Variants in PHC2 observed in about 807,000 individuals in gnomAD.
The protein encoded by PHC2 is polyhomeotic-like protein 2.
A neutral mutation model predicts 87.4 loss-of-function variants in PHC2; 29 were observed. The ratio of observed to expected loss-of-function variants is 0.33; its 90% CI spans 0.25 to 0.45. The LOEUF (loss-of-function observed/expected upper bound fraction) is 0.45. Among genes scored for constraint, PHC2 ranks in the 20% least tolerant of loss-of-function variants. The probability of loss-of-function intolerance (pLI) is 1.00; values close to 1 mark genes in which losing one functional copy is unlikely to be tolerated. For missense variants in PHC2, 857 were observed against 1,136.7 expected, an observed-to-expected ratio of 0.75 and a Z score of 3.54; for synonymous variants, 438 against 461.7, an observed-to-expected ratio of 0.95 and a Z score of 0.66.
intron 1 of PHC2, among the ~76,000 whole-genome samples, chr1:33,406,908 G>A (rs930712130): frequency 1.3e-5 from 2 of 152,124 alleles, no homozygotes; most frequent in Non-Finnish European, 2.9e-5. Flanking sequence ...ATAAGGGTAT[G>A]TTAGTAGGTA....
At chr1:33,336,205 T>C (rs1173881473) in intron 9 of PHC2, among the ~76,000 whole-genome samples, 1 of 151,974 alleles carries the variant, frequency 6.6e-6, no homozygotes, top group Non-Finnish European at 1.5e-5. Context: ...GCCAGGCTGG[T>C]CTCGAACTCC....
At position 33,330,212 on chromosome 1, in the gene PHC2, C is replaced by T; in HGVS notation, c.2007G>A (p.Arg669=). ...KRFCSMACAK[R]YNVGCTKRVG... is the part of the protein sequence containing the mutation. ...CCCGTTTGGTGCATCCCACGTTGTA[C>T]CTTCAGGGACAGGGGAACAGGGGAT... Residue 669 remains arginine (R), a splice_region_variant and synonymous_variant, in exon 13 of 15, where the codon AGG becomes AGA. Coordinates refer to ENST00000683057, the MANE Select transcript of PHC2 (RefSeq NM_001385109.1). 1 of 1,613,992 alleles carries T rather than the reference C, an allele frequency of 6.2e-7. No individual in the cohort carries two copies. Among genetic ancestry groups the T allele is most frequent in the South Asian group, 1.1e-5 (1 of 91,084 alleles).
chr1:33,356,277 G>GTATGTA, intron 7 of PHC2, among the ~76,000 whole-genome samples: 1 of 70,152 alleles, frequency 1.4e-5, no homozygotes, highest in East Asian at 3.6e-4. Flanking sequence ...ATATATATAT[G>GTATGTA]TATATATATA....
chr1:33,325,589 T>A, intron 14 of PHC2: 1 of 273,454 alleles, frequency 3.7e-6, no homozygotes, highest in Non-Finnish European at 7.4e-6. Context: ...ACTGGGTCTG[T>A]GGAAGGGAGC....
chr1:33,332,198 CAG>C lies in PHC2; in HGVS notation c.1891+75_1891+76del, dbSNP rs766021048. ...CTGGCTCAGGGTTCCTCTGGGGAAA[CAG>C]AGAGAGGAAGTGTGTGAGGCCTGCC... On this transcript the variant is annotated intron_variant, in intron 11 of 14. Transcript: ENST00000683057. This position sits in a 1 kb window ranked among gnomAD's most constrained non-coding sequence, Gnocchi z 4.2. 116 of 1,550,448 alleles carry C rather than the reference CAG, an allele frequency of 7.5e-5. 2 individuals are homozygous for C. Among genetic ancestry groups the C allele is most frequent in the Middle Eastern group, 1.7e-4 (1 of 5,866 alleles).
chr1:33,345,579 G>GGAGT, intron 9 of PHC2: 1 of 984,622 alleles, frequency 1.0e-6, no homozygotes, highest in South Asian at 4.7e-5. Flanking sequence ...AACGGTTTAT[G>GGAGT]ACTTAAATTA....
In PHC2 at chr1:33,324,718, G is replaced by T; in HGVS notation, c.*147C>A. Reference sequence around the variant, plus strand: ...AAAGGCCCCTGAGAGCCATGGAGGAGGTGCCCAGACCTCCTCACCAGCTAT... The same window carrying T: ...AAAGGCCCCTGAGAGCCATGGAGGATGTGCCCAGACCTCCTCACCAGCTAT... On this transcript the variant is annotated 3_prime_UTR_variant, in exon 15 of 15. Coordinates refer to ENST00000683057, the MANE Select transcript of PHC2 (RefSeq NM_001385109.1). 1.4e-6 allele frequency: 1 copy of T among 733,680 alleles called. No individual in the cohort carries two copies. Among genetic ancestry groups the T allele is most frequent in the Non-Finnish European group, 2.1e-6 (1 of 480,230 alleles). The allele number at this position is 733,680 out of a possible 1,614,324, so 45.4% of individuals were successfully genotyped here.
intron 9 of PHC2, among the ~76,000 whole-genome samples, chr1:33,342,794 G>A (rs1646769559): frequency 6.6e-6 from 1 of 152,190 alleles, no homozygotes; most frequent in South Asian, 2.1e-4. Context: ...CCAGGGTCAA[G>A]GGCTCCCAGA....
At chr1:33,397,415 TGG>T (rs1001187168) in intron 1 of PHC2, among the ~76,000 whole-genome samples, 4 of 152,370 alleles carry the variant, frequency 2.6e-5, no homozygotes, top group African/African-American at 9.6e-5. Flanking sequence ...CAAGATCCTC[TGG>T]GTCATTCACG....
intron 9 of PHC2, chr1:33,346,083 G>A: frequency 7.1e-6 from 7 of 985,178 alleles, no homozygotes; most frequent in Non-Finnish European, 8.4e-6. Flanking sequence ...CCATCTTGAG[G>A]GGTAGTTCAG....
At chr1:33,347,530 A>G (rs925085742) in intron 9 of PHC2, 1 of 985,476 alleles carries the variant, frequency 1.0e-6, no homozygotes, top group Non-Finnish European at 1.2e-6. Context: ...ACATTCATTA[A>G]GCACCTTTGT....
intron 7 of PHC2, 137 bp downstream of exon 7, chr1:33,366,979 A>T: frequency 1.3e-6 from 1 of 788,590 alleles, no homozygotes; most frequent in Non-Finnish European, 2.0e-6. Context: ...GGACATTTTG[A>T]GATAGGGAGG....
Position 33,334,250 on chromosome 1 carries a change from C to T in PHC2, c.1601G>A (p.Ser534Asn). 1 of 1,611,642 alleles carries T rather than the reference C, an allele frequency of 6.2e-7. No homozygotes were observed. Among genetic ancestry groups the T allele is most frequent in the Non-Finnish European group, 8.5e-7 (1 of 1,179,372 alleles). ...GIVHALTDLSSPGMTSGNGNS... is the reference protein window; with the variant it reads ...GIVHALTDLSNPGMTSGNGNS... ...TCCGTTCCCTGAGGTCATGCCGGGG[C>T]TGCTGAGGTCGGTCAGTGCATGAAC... The change falls in exon 10 of 15, where the codon AGC becomes AAC. Residue 534 changes from serine (S) to asparagine (N), a missense_variant. Ser to Asn is a conservative substitution (Grantham distance 46). This residue lies in a region of PHC2 where 832 missense variants were observed against 1,081.8 expected (regional missense o/e 0.77). Transcript: ENST00000683057. The surrounding 1 kb of genome is among the most constrained non-coding windows in gnomAD (Gnocchi z 5.5).
chr1:33,364,410 A>ACACACG lies in PHC2; in HGVS notation c.976+2705_976+2706insCGTGTG, dbSNP rs56766986. ...TGCTTTCACACACACACACACACAC[A>ACACACG]CACACACACACACACGCTCAAGCAC... On this transcript the variant is annotated intron_variant, in intron 7 of 14. Coordinates refer to ENST00000683057, the MANE Select transcript of PHC2 (RefSeq NM_001385109.1). This position sits in a 1 kb window ranked among gnomAD's most constrained non-coding sequence, Gnocchi z 4.1. 0.11 allele frequency among the ~76,000 whole-genome samples: 16,776 copies of ACACACG among 149,946 alleles called. 1,077 individuals carry two copies. Among genetic ancestry groups the ACACACG allele is most frequent in the African/African-American group, 0.17 (6,787 of 40,618 alleles).
chr1:33,430,465 G>C (rs930866528), intron 1 of PHC2, among the ~76,000 whole-genome samples: 2 of 152,016 alleles, frequency 1.3e-5, no homozygotes, highest in Non-Finnish European at 2.9e-5. Flanking sequence ...GCTGGGGAGC[G>C]GGCGCCCCGG....
rs1165209114 is a variant in PHC2, at chr1:33,349,276, G to C, written c.1558+5125C>G. The C allele has an allele frequency of 1.0e-6, 1 of 985,466 alleles. No individual in the cohort carries two copies. The allele number at this position is 985,466 out of a possible 1,614,324, so 61.0% of individuals were successfully genotyped here. A position where few individuals can be genotyped will look rare whatever the true frequency, so the allele number is the denominator to read the frequency against. On this transcript the variant is annotated intron_variant, in intron 9 of 14. Transcript: ENST00000683057. This position sits in a 1 kb window ranked among gnomAD's most constrained non-coding sequence, Gnocchi z 4.2. ...GTCCCCGAACGCACCGTCCGTCCCA[G>C]GGAAGTCGCAGCGGCGGGGAGGCCG...
intron 9 of PHC2, chr1:33,347,508 G>T: frequency 1.0e-6 from 1 of 985,360 alleles, no homozygotes; most frequent in Non-Finnish European, 1.2e-6. Flanking sequence ...GTGGGGACAT[G>T]ATGAAACACC....
intron 1 of PHC2, among the ~76,000 whole-genome samples, chr1:33,405,302 T>C (rs1192719282): frequency 6.6e-6 from 1 of 152,018 alleles, no homozygotes; most frequent in Admixed American, 6.6e-5. Context: ...GCAATTCTTG[T>C]GCCTCAGCCT....
At chr1:33,396,087 A>C (rs1020255505) in intron 1 of PHC2, among the ~76,000 whole-genome samples, 1 of 152,082 alleles carries the variant, frequency 6.6e-6, no homozygotes, top group Non-Finnish European at 1.5e-5. Flanking sequence ...GAATTAAAAA[A>C]CCTTAAGCCA....
Sources: gnomAD v4.1 joint callset for allele counts (sites outside exome capture counted in the v4.1 genomes callset) on GRCh38, gnomAD v4.1.1 for gene constraint, gnomAD v4.1.1 regional missense constraint, Gnocchi (gnomAD v3.1) non-coding constraint, MANE v1.5 for transcripts, NCBI Gene and HGNC (gene_info 2026-07-23, HGNC 2026-07-21) for gene names.